Variants in GRM4 observed in about 807,000 individuals in gnomAD.
GRM4 encodes the protein glutamate metabotropic receptor 4, also known as metabotropic glutamate receptor 4.
GRM4 carries 28 observed loss-of-function variants against 81.7 expected under a neutral mutation model. That is an observed-to-expected ratio of 0.34 (90% confidence interval 0.25 to 0.47). The LOEUF (loss-of-function observed/expected upper bound fraction) is 0.47, where lower values mean the gene tolerates loss of function less well. Ranked by LOEUF, GRM4 falls within the 20% of genes least tolerant of loss-of-function variation. The pLI is 1.00. For synonymous variants in GRM4, 488 were observed against 528.8 expected, an observed-to-expected ratio of 0.92 and a Z score of 1.06; for missense variants, 948 against 1,290.0, an observed-to-expected ratio of 0.73 and a Z score of 4.06.
rs541052407 is a variant in GRM4, at chr6:34,122,086, T to G, written c.519+10892A>C. ...CAGCCAAGTAGGAGAGAGGCTGGGA[T>G]GTGTCCCACAGGGAACAGGTGGGCT... is the stretch of plus-strand genomic sequence containing the variant. On this transcript the variant is annotated intron_variant, in intron 2 of 10. Transcript: ENST00000538487. Among the ~76,000 whole-genome samples, 20 of 152,202 alleles carry G rather than the reference T, an allele frequency of 1.3e-4. 1 individual carries two copies. The South Asian group carries it at 3.7e-3, about 28-fold the overall frequency.
intron 6 of GRM4, chr6:34,054,785 A>C (rs1284829329): frequency 2.0e-5 from 3 of 149,540 alleles, no homozygotes; most frequent in African/African-American, 5.0e-5. Context: ...CCCCACCCTC[A>C]CCCCTGATCT....
rs1370079596 is a variant in GRM4 at position 34,078,565 on chromosome 6, GGCCTC to G, written c.736+13313_736+13317del. ...TGCCTTCTGGGTTGACCTGACAAGT[GGCCTC>G]TGCTCTCTCAGCCTGTTTCCTACCT... On this transcript the variant is annotated intron_variant, in intron 3 of 10. Coordinates refer to ENST00000538487, the MANE Select transcript of GRM4 (RefSeq NM_000841.4). The surrounding 1 kb of genome is among the most constrained non-coding windows in gnomAD (Gnocchi z 4.8). Among the ~76,000 whole-genome samples, 1 of 152,058 alleles carries G rather than the reference GGCCTC, an allele frequency of 6.6e-6. No individual in the cohort carries two copies. Among genetic ancestry groups the G allele is most frequent in the African/African-American group, 2.4e-5 (1 of 41,376 alleles).
Position 34,092,216 on chromosome 6 carries a change from C to A in GRM4, c.520-117G>T. The A allele has an allele frequency of 1.5e-6, 1 of 653,710 alleles. No individual in the cohort carries two copies. The highest frequency in any genetic ancestry group is 2.6e-6 in the Non-Finnish European group (1 of 379,852). 40.5% of individuals were successfully genotyped at this position (653,710 alleles called of 1,614,324 possible). The stretch of plus-strand genomic sequence containing the variant: ...CCCCACAGCCTTGGGACCACCACAG[C>A]CCACCCCTCCCCATGGGCGATGCCT... On this transcript the variant is annotated intron_variant, in intron 2 of 10. Coordinates refer to ENST00000538487, the MANE Select transcript of GRM4 (RefSeq NM_000841.4). This position sits in a 1 kb window ranked among gnomAD's most constrained non-coding sequence, Gnocchi z 6.8.
chr6:34,133,661 A>G lies in GRM4; in HGVS notation c.-165T>C. 7.1e-7 allele frequency: 1 copy of G among 1,413,954 alleles called. No individual in the cohort carries two copies. Among genetic ancestry groups the G allele is most frequent in the African/African-American group, 1.4e-5 (1 of 69,388 alleles). The allele number at this position is 1,413,954 out of a possible 1,614,324, so 87.6% of individuals were successfully genotyped here. On this transcript the variant is annotated 5_prime_UTR_variant, in exon 2 of 11. Transcript: ENST00000538487. The surrounding 1 kb of genome is among the most constrained non-coding windows in gnomAD (Gnocchi z 6.5). ...TGCTACCCTCTCCCACCTCCTTGTC[A>G]CTCGGGCCAAGCACAGTTGCCCGCA...
At chr6:34,039,296 G>A (rs1041180694) in intron 8 of GRM4, among the ~76,000 whole-genome samples, 4 of 152,206 alleles carry the variant, frequency 2.6e-5, no homozygotes, top group African/African-American at 9.6e-5. Flanking sequence ...AGCAGAGCAC[G>A]AGGGGTTCCT....
chr6:34,153,989 G>T (rs979890339), intron 1 of GRM4, among the ~76,000 whole-genome samples: 21 of 151,800 alleles, frequency 1.4e-4, no homozygotes, highest in Non-Finnish European at 2.9e-4. Flanking sequence ...GCCAGCGCCA[G>T]GTCCAGGACC....
At chr6:34,142,585 G>A (rs952913164) in intron 1 of GRM4, among the ~76,000 whole-genome samples, 5 of 152,198 alleles carry the variant, frequency 3.3e-5, no homozygotes, top group African/African-American at 7.2e-5. Context: ...ACATCCTGGC[G>A]CTGGACTGTG....
chr6:34,106,960 T>C (rs1284018350), intron 2 of GRM4, among the ~76,000 whole-genome samples: 1 of 152,254 alleles, frequency 6.6e-6, no homozygotes. Flanking sequence ...ACTCCTGGCC[T>C]GGTGTGGATG....
chr6:34,044,633 G>GAC (rs1281799556), intron 6 of GRM4, among the ~76,000 whole-genome samples: 2 of 54,532 alleles, frequency 3.7e-5, no homozygotes, highest in South Asian at 5.1e-4. Flanking sequence ...TATACACGCA[G>GAC]ACACACACAC....
chr6:34,081,847 C>T (rs1767614655), intron 3 of GRM4, among the ~76,000 whole-genome samples: 1 of 152,326 alleles, frequency 6.6e-6, no homozygotes, highest in South Asian at 2.1e-4. Flanking sequence ...GAGTGGGGGA[C>T]TTGGAGTGCC....
At chr6:34,028,994 G>A (rs1204209863) in intron 9 of GRM4, among the ~76,000 whole-genome samples, 3 of 152,238 alleles carry the variant, frequency 2.0e-5, no homozygotes, top group Admixed American at 6.5e-5. Flanking sequence ...AGCACTAACA[G>A]TGACAGATGT....
In GRM4 at chr6:34,034,546, A is replaced by G. The variant is rs1456312447; in HGVS notation, c.2442+1122T>C. 2.6e-5 allele frequency among the ~76,000 whole-genome samples: 4 copies of G among 152,124 alleles called. No individual in the cohort carries two copies. The East Asian group carries it at 7.7e-4, about 29-fold the overall frequency. On this transcript the variant is annotated intron_variant, in intron 9 of 10. Transcript: ENST00000538487. The surrounding 1 kb of genome is among the most constrained non-coding windows in gnomAD (Gnocchi z 4.0). ...CCTGCAGCGGCCTCTCTTCTCACTC[A>G]TGGTAAAAGCCAATGTCATTGCCAC...
chr6:34,054,146 A>AAAGCTCTG (rs1320541197), intron 6 of GRM4: 1 of 151,018 alleles, frequency 6.6e-6, no homozygotes, highest in African/African-American at 2.4e-5. Context: ...GGCTCATGGG[A>AAAGCTCTG]AAGCTCTGTG....
chr6:34,024,589 G>A, intron 10 of GRM4: 1 of 448,042 alleles, frequency 2.2e-6, no homozygotes, highest in African/African-American at 2.0e-5. Flanking sequence ...ACTGCTTGAG[G>A]ATGGGGTGAG....
intron 5 of GRM4, among the ~76,000 whole-genome samples, chr6:34,057,901 TTGTTA>T (rs1765988347): frequency 6.6e-6 from 1 of 152,128 alleles, no homozygotes; most frequent in African/African-American, 2.4e-5. Flanking sequence ...ATAGCAGTTA[TTGTTA>T]TGTTGTGTTT....
At chr6:34,057,247 G>C (rs1190178288) in intron 5 of GRM4, among the ~76,000 whole-genome samples, 1 of 149,966 alleles carries the variant, frequency 6.7e-6, no homozygotes, top group African/African-American at 2.5e-5. Context: ...AGGGTGGGCA[G>C]GCTGGCGGTG....
rs1766789321 is a variant in GRM4 at position 34,070,854 on chromosome 6, C to A, written c.737-8826G>T. Among the ~76,000 whole-genome samples, 1 of 150,110 alleles carries A rather than the reference C, an allele frequency of 6.7e-6. No homozygotes were observed. The highest frequency in any genetic ancestry group is 2.5e-5 in the African/African-American group (1 of 40,524). On this transcript the variant is annotated intron_variant, in intron 3 of 10. Transcript: ENST00000538487. This position sits in a 1 kb window ranked among gnomAD's most constrained non-coding sequence, Gnocchi z 4.6. ...CACCCTTACAAAATCACATACTACACACCACCACAAGCTCACAAAGTTTCA... is the reference window on the plus strand; with the variant it reads ...CACCCTTACAAAATCACATACTACAAACCACCACAAGCTCACAAAGTTTCA...
At chr6:34,146,394 C>T (rs1371981549), upstream of GRM4, among the ~76,000 whole-genome samples, 1 of 152,206 alleles carries the variant, frequency 6.6e-6, no homozygotes, top group Non-Finnish European at 1.5e-5. Context: ...AAAAGTGTAA[C>T]AGGTGGCCTC....
intron 2 of GRM4, among the ~76,000 whole-genome samples, chr6:34,094,847 G>GA (rs1554128928): frequency 4.7e-4 from 72 of 152,196 alleles, no homozygotes; most frequent in African/African-American, 1.7e-3. Context: ...GGAAACAGAG[G>GA]CCCCCCCAAG....
Sources: gnomAD v4.1 joint callset for allele counts (sites outside exome capture counted in the v4.1 genomes callset) on GRCh38, gnomAD v4.1.1 for gene constraint, Gnocchi (gnomAD v3.1) non-coding constraint, MANE v1.5 for transcripts, NCBI Gene and HGNC (gene_info 2026-07-23, HGNC 2026-07-21) for gene names.